VWA8: variants seen among roughly 807,000 people sequenced by gnomAD.
VWA8 encodes von Willebrand factor A domain-containing protein 8.
In VWA8, 221 loss-of-function variants were observed where a neutral mutation model predicts 241.5. The observed-to-expected ratio is 0.91, with a 90% CI of 0.82 to 1.02. The LOEUF is 1.02. Ranked by LOEUF, VWA8 falls within the 50% of genes least tolerant of loss-of-function variation. The pLI, the probability that VWA8 is intolerant of heterozygous loss-of-function variation, is 0.00. For synonymous variants in VWA8, 852 were observed against 827.1 expected (o/e 1.03, Z -0.52); for missense variants, 2,322 against 2,328.7 (o/e 1.00, Z 0.06).
At chr13:41,856,875 C>T (rs988529515) in intron 12 of VWA8, among the ~76,000 whole-genome samples, 2 of 151,294 alleles carry the variant, frequency 1.3e-5, no homozygotes, top group African/African-American at 2.4e-5. Flanking sequence ...TCCACAAAAC[C>T]TTCCCATTAT....
intron 40 of VWA8, 95 bp downstream of exon 40, chr13:41,605,073 G>T: frequency 8.3e-7 from 1 of 1,201,470 alleles, no homozygotes; most frequent in Non-Finnish European, 1.2e-6. Context: ...TTTTCGGACT[G>T]GCTAATTAGG....
At chr13:41,907,364 C>T (rs146577799) in intron 4 of VWA8, among the ~76,000 whole-genome samples, 5 of 152,280 alleles carry the variant, frequency 3.3e-5, no homozygotes, top group African/African-American at 4.8e-5. Flanking sequence ...TGATCTTTAA[C>T]GTTTTAGAAC....
At chr13:41,889,583 T>C (rs1290946643) in intron 5 of VWA8, among the ~76,000 whole-genome samples, 1 of 152,168 alleles carries the variant, frequency 6.6e-6, no homozygotes, top group Non-Finnish European at 1.5e-5. Context: ...TTTACCATGT[T>C]GGCCAGGCTG....
At chr13:41,884,882 CATACATAT>C (rs1346658274) in intron 8 of VWA8, among the ~76,000 whole-genome samples, 12 of 140,322 alleles carry the variant, frequency 8.6e-5, no homozygotes, top group Non-Finnish European at 1.7e-4. Flanking sequence ...TCACATGAAA[CATACATAT>C]ATACATACAT....
At chr13:41,611,864 C>T in intron 38 of VWA8, 132 bp from the exon 39 acceptor site, 1 of 1,032,650 alleles carries the variant, frequency 9.7e-7, no homozygotes, top group African/African-American at 1.6e-5. Flanking sequence ...AGTCAAATTA[C>T]CTTCTGGAAA....
chr13:41,750,332 C>T (rs973598056), intron 21 of VWA8, among the ~76,000 whole-genome samples: 1 of 151,888 alleles, frequency 6.6e-6, no homozygotes, highest in Admixed American at 6.6e-5. Context: ...ACTCGGGAGG[C>T]TGAGGCAGAA....
At chr13:41,901,865 C>CAAA (rs1167305999) in intron 4 of VWA8, among the ~76,000 whole-genome samples, 19 of 24,662 alleles carry the variant, frequency 7.7e-4, no homozygotes, top group African/African-American at 1.6e-3. Flanking sequence ...GACTCCATCT[C>CAAA]AAAAAAAAAA....
chr13:41,718,784 A>AT lies in VWA8; in HGVS notation c.3116+806dup, dbSNP rs556476706. On this transcript the variant is annotated intron_variant, in intron 26 of 44. Coordinates refer to ENST00000379310, the MANE Select transcript of VWA8 (RefSeq NM_015058.2). ...AGTGATTTATATTTATATTTAACAC[A>AT]TTTTTTTCTACAGAAAGATAGTGTC... Among the ~76,000 whole-genome samples, 225 of 151,662 alleles carry AT rather than the reference A, an allele frequency of 1.5e-3. 1 individual carries two copies. Among genetic ancestry groups the AT allele is most frequent in the African/African-American group, 5.1e-3 (212 of 41,454 alleles).
chr13:41,920,714 A>G, intron 2 of VWA8, among the ~76,000 whole-genome samples: 1 of 152,330 alleles, frequency 6.6e-6, no homozygotes, highest in East Asian at 1.9e-4. Context: ...TCCTCGACAC[A>G]TACACCCTCC....
Position 41,886,774 on chromosome 13 carries a change from T to C in VWA8, c.866+7A>G, listed in dbSNP as rs760578388. 26 of 1,590,246 alleles carry C rather than the reference T, an allele frequency of 1.6e-5. No individual in the cohort carries two copies. The South Asian group carries it at 2.8e-4, about 17-fold the overall frequency. On this transcript the variant is annotated splice_region_variant and intron_variant, in intron 7 of 44. Coordinates refer to ENST00000379310, the MANE Select transcript of VWA8 (RefSeq NM_015058.2). ...CAGTGTCCAGACATTTATAAAAATATACTTACTTCTCAGCAGAAACATTGG... is the reference window on the plus strand; with the variant it reads ...CAGTGTCCAGACATTTATAAAAATACACTTACTTCTCAGCAGAAACATTGG...
chr13:41,731,645 C>A (rs535469039), intron 22 of VWA8, among the ~76,000 whole-genome samples: 72 of 152,228 alleles, frequency 4.7e-4, no homozygotes, highest in South Asian at 1.2e-3. Context: ...TTGGCTGTGT[C>A]CCCACCCAAA....
chr13:41,878,130 A>C (rs1379679385), intron 9 of VWA8, among the ~76,000 whole-genome samples: 2 of 152,060 alleles, frequency 1.3e-5, no homozygotes, highest in Non-Finnish European at 2.9e-5. Flanking sequence ...AGAAAAAATA[A>C]TTATCATTTA....
intron 24 of VWA8, among the ~76,000 whole-genome samples, chr13:41,726,739 A>C (rs2045437378): frequency 6.6e-6 from 1 of 152,196 alleles, no homozygotes; most frequent in African/African-American, 2.4e-5. Context: ...TCACATCTGC[A>C]ATCTCAGCAC....
chr13:41,923,484 T>A (rs991126075), intron 2 of VWA8, among the ~76,000 whole-genome samples: 1 of 151,818 alleles, frequency 6.6e-6, no homozygotes, highest in African/African-American at 2.4e-5. Context: ...GTGGGAGAAA[T>A]GTATCCACTT....
intron 2 of VWA8, chr13:41,926,389 T>C (rs1054700141): frequency 1.8e-6 from 1 of 549,620 alleles, no homozygotes; most frequent in Non-Finnish European, 3.5e-6. Context: ...TTCCTAAAGA[T>C]TGAAACTCCC....
intron 4 of VWA8, chr13:41,905,021 T>C (rs1208297627): frequency 2.6e-5 from 4 of 152,286 alleles, no homozygotes; most frequent in African/African-American, 9.6e-5. Context: ...GTGGATATTA[T>C]GTGAATCACT....
At chr13:41,852,005 A>G (rs1204452894) in intron 12 of VWA8, among the ~76,000 whole-genome samples, 2 of 152,160 alleles carry the variant, frequency 1.3e-5, no homozygotes, top group African/African-American at 2.4e-5. Context: ...AGGACCCTCC[A>G]TACTATTTTC....
At chr13:41,718,189 A>G (rs1277023318) in intron 26 of VWA8, among the ~76,000 whole-genome samples, 1 of 152,048 alleles carries the variant, frequency 6.6e-6, no homozygotes, top group Non-Finnish European at 1.5e-5. Context: ...TACTCTAATT[A>G]TATAAATTTG....
At chr13:41,704,478 CTT>C (rs2045270637) in intron 26 of VWA8, among the ~76,000 whole-genome samples, 3 of 131,674 alleles carry the variant, frequency 2.3e-5, no homozygotes, top group Non-Finnish European at 3.3e-5. Context: ...TTTTTTTTTT[CTT>C]TGAGACAGGG....
Sources: gnomAD v4.1 joint callset for allele counts (sites outside exome capture counted in the v4.1 genomes callset) on GRCh38, gnomAD v4.1.1 for gene constraint, MANE v1.5 for transcripts, NCBI Gene and HGNC (gene_info 2026-07-23, HGNC 2026-07-21) for gene names.